PTPRN2: variants seen among roughly 807,000 people sequenced by gnomAD.
PTPRN2 encodes protein tyrosine phosphatase receptor type N2, also known as receptor-type tyrosine-protein phosphatase N2.
A neutral mutation model predicts 118.8 loss-of-function variants in PTPRN2; 74 were observed. The observed-to-expected ratio is 0.62, with a 90% CI of 0.52 to 0.76. The LOEUF is 0.76. Ranked by LOEUF, PTPRN2 falls within the 30% of genes least tolerant of loss-of-function variation. The pLI is 0.00. For synonymous variants in PTPRN2, 641 were observed against 608.0 expected, an observed-to-expected ratio of 1.05 and a Z score of -0.80; for missense variants, 1,481 against 1,394.4, an observed-to-expected ratio of 1.06 and a Z score of -0.99.
At chr7:158,045,884 A>G (rs976253724) in intron 11 of PTPRN2, among the ~76,000 whole-genome samples, 3 of 146,940 alleles carry the variant, frequency 2.0e-5, no homozygotes, top group African/African-American at 5.2e-5. Context: ...TGTTCTGTCC[A>G]GGAGCAGAAC....
intron 3 of PTPRN2, among the ~76,000 whole-genome samples, chr7:158,256,729 C>T (rs2001763): frequency 0.51 from 77,563 of 151,766 alleles, 20,492 homozygotes; most frequent in African/African-American, 0.64. Flanking sequence ...TTTGCCCGAG[C>T]TTAAAATTAA....
intron 3 of PTPRN2, among the ~76,000 whole-genome samples, chr7:158,279,391 G>A (rs1433952694): frequency 6.6e-6 from 1 of 152,156 alleles, no homozygotes; most frequent in Admixed American, 6.5e-5. Flanking sequence ...CCTCCCAGCA[G>A]CCCAGCCAGC....
chr7:157,945,249 C>T (rs188238934), intron 11 of PTPRN2, among the ~76,000 whole-genome samples: 3 of 152,256 alleles, frequency 2.0e-5, no homozygotes, highest in Admixed American at 6.5e-5. Context: ...GTTTCAACCC[C>T]ACCCATTCGC....
chr7:157,825,821 C>CGAGCT (rs1470691151), intron 12 of PTPRN2, among the ~76,000 whole-genome samples: 1 of 152,212 alleles, frequency 6.6e-6, no homozygotes, highest in African/African-American at 2.4e-5. Flanking sequence ...GCTTCTCTGC[C>CGAGCT]GAGCTCCCAG....
intron 6 of PTPRN2, among the ~76,000 whole-genome samples, chr7:158,142,297 C>T (rs900821225): frequency 1.1e-4 from 16 of 152,232 alleles, no homozygotes; most frequent in African/African-American, 2.4e-4. Context: ...CCCCTGGCCC[C>T]GGAGCGGCTG....
intron 9 of PTPRN2, among the ~76,000 whole-genome samples, chr7:158,129,688 T>G (rs980289604): frequency 1.3e-5 from 2 of 152,170 alleles, no homozygotes; most frequent in Non-Finnish European, 2.9e-5. Context: ...TGACCACCCA[T>G]AGGAATCGGT....
rs528879837 is a variant in PTPRN2, at chr7:157,965,892, A to C, written c.1724-67155T>G. Among the ~76,000 whole-genome samples the C allele has an allele frequency of 2.6e-5, 4 of 152,326 alleles. No individual in the cohort carries two copies. The East Asian group carries it at 5.8e-4, about 22-fold the overall frequency. ...CAAAATGCCTCCAAATAAGTGTGGG[A>C]AATCCAGGAAGCCCTCGAGAGCCAC... On this transcript the variant is annotated intron_variant, in intron 11 of 22. Transcript: ENST00000389418.
At chr7:158,469,689 A>G (rs1819699071) in intron 2 of PTPRN2, among the ~76,000 whole-genome samples, 1 of 151,494 alleles carries the variant, frequency 6.6e-6, no homozygotes, top group African/African-American at 2.4e-5. Flanking sequence ...TAAAAACACC[A>G]AAGAGCATCT....
intron 2 of PTPRN2, among the ~76,000 whole-genome samples, chr7:158,324,165 C>T (rs563510675): frequency 3.9e-5 from 6 of 152,234 alleles, no homozygotes; most frequent in African/African-American, 9.6e-5. Context: ...ACACAGTCTC[C>T]GCATAGACAA....
At chr7:157,705,893 G>A (rs1018539334) in intron 12 of PTPRN2, among the ~76,000 whole-genome samples, 25 of 151,654 alleles carry the variant, frequency 1.6e-4, no homozygotes, top group African/African-American at 5.1e-4. Flanking sequence ...ATCTGACCCA[G>A]GTGCCTTCTG....
intron 3 of PTPRN2, among the ~76,000 whole-genome samples, chr7:158,250,450 C>T (rs1796583245): frequency 1.3e-5 from 2 of 152,014 alleles, no homozygotes; most frequent in Admixed American, 1.3e-4. Context: ...GGGAACCGGC[C>T]TCCCCATCCT....
At chr7:158,458,452 G>C (rs1818698506) in intron 2 of PTPRN2, among the ~76,000 whole-genome samples, 1 of 152,146 alleles carries the variant, frequency 6.6e-6, no homozygotes, top group Admixed American at 6.5e-5. Flanking sequence ...TTGTCAAGAG[G>C]TGTGGCCTGA....
At chr7:158,058,448 G>A (rs368629708) in intron 11 of PTPRN2, among the ~76,000 whole-genome samples, 1,082 of 77,330 alleles carry the variant, frequency 0.014, no homozygotes, top group South Asian at 0.019. Context: ...AGACATCACT[G>A]CAGCCACACT....
chr7:158,258,957 G>A (rs891030718), intron 3 of PTPRN2, among the ~76,000 whole-genome samples: 1 of 152,152 alleles, frequency 6.6e-6, no homozygotes, highest in Non-Finnish European at 1.5e-5. Context: ...TTCAACTAAA[G>A]GATCCAGAGT....
intron 10 of PTPRN2, among the ~76,000 whole-genome samples, chr7:158,110,469 C>G (rs2150367633): frequency 6.6e-6 from 1 of 152,314 alleles, no homozygotes; most frequent in African/African-American, 2.4e-5. Flanking sequence ...GGGCCGTGTC[C>G]ACAGCAGGTG....
At chr7:158,409,900 C>T (rs1813900199) in intron 2 of PTPRN2, among the ~76,000 whole-genome samples, 1 of 152,228 alleles carries the variant, frequency 6.6e-6, no homozygotes, top group Non-Finnish European at 1.5e-5. Context: ...AATAATAAAG[C>T]TAGTGTTTTT....
intron 11 of PTPRN2, among the ~76,000 whole-genome samples, chr7:157,932,349 C>T (rs1341723613): frequency 1.3e-5 from 2 of 152,136 alleles, no homozygotes; most frequent in South Asian, 2.1e-4. Context: ...TGCATACCGA[C>T]GTCATGTCTC....
At chr7:157,737,005 G>A (rs1467827418) in intron 12 of PTPRN2, among the ~76,000 whole-genome samples, 7 of 152,190 alleles carry the variant, frequency 4.6e-5, no homozygotes, top group Non-Finnish European at 1.0e-4. Flanking sequence ...GAGGCTTCCC[G>A]AGTCTCCCGG....
intron 2 of PTPRN2, among the ~76,000 whole-genome samples, chr7:158,335,396 T>C (rs1183741969): frequency 5.9e-5 from 1 of 16,876 alleles, no homozygotes; most frequent in African/African-American, 1.4e-4. Flanking sequence ...AGCTGACACC[T>C]GCAGACGTCA....
Sources: allele counts gnomAD v4.1 joint callset (sites outside exome capture counted in the v4.1 genomes callset), GRCh38; gene constraint gnomAD v4.1.1; transcripts MANE v1.5; gene names NCBI Gene and HGNC (gene_info 2026-07-23, HGNC 2026-07-21).